The following UBE2W variants were observed in gnomAD, a reference collection of about 807,000 sequenced individuals.
UBE2W encodes ubiquitin-conjugating enzyme E2 W.
Under a neutral mutation model 27.2 loss-of-function variants are expected in UBE2W, and 18 were observed. The ratio of observed to expected loss-of-function variants is 0.66; its 90% confidence interval spans 0.46 to 0.98. The LOEUF (loss-of-function observed/expected upper bound fraction) is 0.98. Ranked by LOEUF, UBE2W falls within the 50% of genes least tolerant of loss-of-function variation. The pLI, the probability that UBE2W is intolerant of heterozygous loss-of-function variation, is 0.00. For missense variants in UBE2W, 90 were observed against 180.2 expected, an observed-to-expected ratio of 0.50 and a Z score of 2.87; for synonymous variants, 53 against 57.2, an observed-to-expected ratio of 0.93 and a Z score of 0.33.
intron 5 of UBE2W, among the ~76,000 whole-genome samples, chr8:73,800,578 A>G (rs1266689633): frequency 2.0e-5 from 3 of 152,176 alleles, no homozygotes; most frequent in African/African-American, 7.2e-5. Context: ...GTGAAAGAGG[A>G]AAGGATAACT....
chr8:73,840,705 C>T (rs1437698715), intron 1 of UBE2W, among the ~76,000 whole-genome samples: 1 of 152,102 alleles, frequency 6.6e-6, no homozygotes, highest in Non-Finnish European at 1.5e-5. Flanking sequence ...TCCACATATC[C>T]CAGGGGCTGA....
At chr8:73,878,423 C>G (rs1586562523) in intron 1 of UBE2W, among the ~76,000 whole-genome samples, 3 of 152,236 alleles carry the variant, frequency 2.0e-5, no homozygotes, top group South Asian at 4.1e-4. Context: ...GCGGGCGCAG[C>G]TGTTTCCGTC....
intron 3 of UBE2W, among the ~76,000 whole-genome samples, chr8:73,823,079 G>A (rs1275160282): frequency 6.6e-6 from 1 of 152,100 alleles, no homozygotes; most frequent in Non-Finnish European, 1.5e-5. Flanking sequence ...TGTAGATCTG[G>A]GAGTTAGCTG....
chr8:73,784,341 G>C (rs1473851256), downstream of UBE2W, among the ~76,000 whole-genome samples: 3 of 152,108 alleles, frequency 2.0e-5, no homozygotes, highest in Admixed American at 6.5e-5. Flanking sequence ...ATAGTTCCTT[G>C]AGACTCAGTA....
intron 5 of UBE2W, among the ~76,000 whole-genome samples, chr8:73,803,928 G>A (rs112781526): frequency 0.031 from 4,772 of 151,664 alleles, 230 homozygotes; most frequent in African/African-American, 0.1. Context: ...CACCACGCCC[G>A]GCTAATTTTT....
At chr8:73,856,357 A>ATT (rs34593904) in intron 1 of UBE2W, among the ~76,000 whole-genome samples, 54,049 of 89,506 alleles carry the variant, frequency 0.6, 18,172 homozygotes, top group East Asian at 0.73. Flanking sequence ...ACACTTATGA[A>ATT]TTTTTTTTTT....
Position 73,859,542 on chromosome 8 carries a change from T to C in UBE2W, c.15+19266A>G, listed in dbSNP as rs190299816. Among the ~76,000 whole-genome samples the C allele has an allele frequency of 9.2e-5, 14 of 152,256 alleles. 1 individual carries two copies. The highest frequency in any genetic ancestry group is 3.4e-4 in the African/African-American group (14 of 41,550). On this transcript the variant is annotated intron_variant, in intron 1 of 5. Coordinates refer to ENST00000602593, the MANE Select transcript of UBE2W (RefSeq NM_018299.6). ...TCGCTCATGATTTTCTTAATAACAT[T>C]TTTTCTCTATCTTACTTTATTGTAA...
At chr8:73,864,750 T>TTG (rs1475765458) in intron 1 of UBE2W, among the ~76,000 whole-genome samples, 36 of 88,604 alleles carry the variant, frequency 4.1e-4, no homozygotes, top group African/African-American at 1.1e-3. Context: ...CAAATTTTTT[T>TTG]GGGGGGGGGG....
At chr8:73,845,515 C>A (rs946946657) in intron 1 of UBE2W, among the ~76,000 whole-genome samples, 1 of 152,036 alleles carries the variant, frequency 6.6e-6, no homozygotes. Context: ...GCAGCATACT[C>A]GTTAAGAGTC....
downstream of UBE2W, among the ~76,000 whole-genome samples, chr8:73,785,151 A>AT (rs1208891492): frequency 6.6e-6 from 1 of 152,002 alleles, no homozygotes; most frequent in African/African-American, 2.4e-5. Context: ...TCATGACAAT[A>AT]TTTTTATTTT....
chr8:73,869,452 A>G (rs1811908033), intron 1 of UBE2W, among the ~76,000 whole-genome samples: 1 of 152,196 alleles, frequency 6.6e-6, no homozygotes, highest in South Asian at 2.1e-4. Context: ...GCACTTTAAG[A>G]GGCCAAGACA....
rs770107417 is a variant in UBE2W, at chr8:73,810,528, T to A, written c.312A>T (p.Ser104=). 13 of 1,612,824 alleles carry A rather than the reference T, an allele frequency of 8.1e-6. No homozygotes were observed. In the South Asian group the frequency reaches 1.4e-4, roughly 18 times the overall value. The change falls in exon 4 of 6, where the codon TCA becomes TCT. Residue 104 remains serine, a synonymous_variant. Coordinates refer to ENST00000602593, the MANE Select transcript of UBE2W (RefSeq NM_018299.6). ...ILTEDWSPAL[S]VQSVCLSIIS... ...TAATGCTAAGACAAACTGATTGGAC[T>A]GAGAGCGCTGGGGACCAGTCTTCTG...
At chr8:73,816,684 C>T (rs1809399930) in intron 3 of UBE2W, among the ~76,000 whole-genome samples, 1 of 152,194 alleles carries the variant, frequency 6.6e-6, no homozygotes, top group Non-Finnish European at 1.5e-5. Flanking sequence ...CTAAAATAAA[C>T]ATTTTCCCTA....
chr8:73,802,172 A>G (rs1320886929), intron 5 of UBE2W, among the ~76,000 whole-genome samples: 1 of 152,248 alleles, frequency 6.6e-6, no homozygotes, highest in Non-Finnish European at 1.5e-5. Flanking sequence ...TAAGCTTGCT[A>G]AATACTGCTA....
In UBE2W at chr8:73,829,956, G is replaced by A. The variant is rs1200062671; in HGVS notation, c.107+425C>T. ...CTGAGAGTCACACTTTCACTTTGTTGCCCTTCTGTACAGGACGCAATTGAT... is the reference window on the plus strand; with the variant it reads ...CTGAGAGTCACACTTTCACTTTGTTACCCTTCTGTACAGGACGCAATTGAT... On this transcript the variant is annotated intron_variant, in intron 2 of 5. Coordinates refer to ENST00000602593, the MANE Select transcript of UBE2W (RefSeq NM_018299.6). 3.3e-5 allele frequency among the ~76,000 whole-genome samples: 5 copies of A among 152,132 alleles called. No individual in the cohort carries two copies. The East Asian group carries it at 9.6e-4, about 29-fold the overall frequency.
At chr8:73,828,290 GATTT>G (rs972016083) in intron 2 of UBE2W, among the ~76,000 whole-genome samples, 6 of 152,094 alleles carry the variant, frequency 3.9e-5, no homozygotes, top group African/African-American at 1.4e-4. Flanking sequence ...GGCTTTGGTG[GATTT>G]ATTAAAAGAG....
At chr8:73,837,086 A>G (rs1161239624) in intron 1 of UBE2W, among the ~76,000 whole-genome samples, 1 of 152,252 alleles carries the variant, frequency 6.6e-6, no homozygotes, top group African/African-American at 2.4e-5. Context: ...AAGACACGCC[A>G]TCAATTGTAA....
intron 1 of UBE2W, among the ~76,000 whole-genome samples, chr8:73,835,691 T>C (rs1427725589): frequency 6.6e-6 from 1 of 152,032 alleles, no homozygotes; most frequent in Non-Finnish European, 1.5e-5. Context: ...TTGCAGTGAG[T>C]GAGATCAAGC....
intron 1 of UBE2W, among the ~76,000 whole-genome samples, chr8:73,848,051 A>G (rs1188832821): frequency 6.6e-6 from 1 of 151,554 alleles, no homozygotes; most frequent in Non-Finnish European, 1.5e-5. Context: ...AAAATACACA[A>G]TTAGCTGGGT....
Sources: allele counts gnomAD v4.1 joint callset (sites outside exome capture counted in the v4.1 genomes callset), GRCh38; gene constraint gnomAD v4.1.1; transcripts MANE v1.5; gene names NCBI Gene and HGNC (gene_info 2026-07-23, HGNC 2026-07-21).